The following COL5A3 variants were observed in gnomAD, a reference collection of about 807,000 sequenced individuals.
COL5A3 encodes collagen type V alpha 3 chain.
Under a neutral mutation model 250.0 loss-of-function variants are expected in COL5A3, and 172 were observed. The ratio of observed to expected loss-of-function variants is 0.69; its 90% CI spans 0.61 to 0.78. COL5A3 has a LOEUF of 0.78. Among genes scored for constraint, COL5A3 ranks in the 30% least tolerant of loss-of-function variants. The pLI is 0.00. For synonymous variants in COL5A3, 937 were observed against 900.4 expected, an observed-to-expected ratio of 1.04 and a Z score of -0.73; for missense variants, 2,340 against 2,334.4, an observed-to-expected ratio of 1.00 and a Z score of -0.05.
rs1316034258 is a variant in COL5A3 at position 9,974,418 on chromosome 19, C to A, written c.3343-10G>T. On this transcript the variant is annotated splice_polypyrimidine_tract_variant and intron_variant, in intron 45 of 66. Transcript: ENST00000264828. ...GAGCCCCGTCTGCTCCCTGGAAGAA[C>A]ACAAACAGGGGCACATTTAAGGTCT... The A allele has an allele frequency of 1.3e-6, 2 of 1,567,834 alleles. No homozygotes were observed. Among genetic ancestry groups the A allele is most frequent in the Non-Finnish European group, 1.7e-6 (2 of 1,159,202 alleles).
Position 9,973,634 on chromosome 19 carries a change from C to A in COL5A3, c.3613-11G>T. 6.2e-7 allele frequency: 1 copy of A among 1,612,314 alleles called. No individual in the cohort carries two copies. On this transcript the variant is annotated splice_polypyrimidine_tract_variant and intron_variant, in intron 49 of 66. Coordinates refer to ENST00000264828, the MANE Select transcript of COL5A3 (RefSeq NM_015719.4). Reference sequence around the variant, plus strand: ...GTCCCCTCGCTCACCCTGCAGGAGGCAAAGTGAGAGTGGGGAGAGGTCCCA... The same window carrying A: ...GTCCCCTCGCTCACCCTGCAGGAGGAAAAGTGAGAGTGGGGAGAGGTCCCA...
intron 31 of COL5A3, among the ~76,000 whole-genome samples, chr19:9,984,744 C>T (rs536174361): frequency 3.2e-4 from 48 of 152,106 alleles, no homozygotes; most frequent in African/African-American, 1.1e-3. Flanking sequence ...GATCACATAG[C>T]GGGTAAGAGG....
At chr19:9,975,373 C>T (rs745556091) in intron 45 of COL5A3, among the ~76,000 whole-genome samples, 29 of 152,112 alleles carry the variant, frequency 1.9e-4, no homozygotes, top group Non-Finnish European at 3.8e-4. Context: ...AGCCACCGCA[C>T]CTGGCTGGAG....
Position 10,005,645 on chromosome 19 carries a change from G to GGGCT in COL5A3, c.503_506dup (p.Pro170AlafsTer50), listed in dbSNP as rs765514251. 6.2e-7 allele frequency: 1 copy of GGGCT among 1,614,048 alleles called. No individual in the cohort carries two copies. The highest frequency in any genetic ancestry group is 1.1e-5 in the South Asian group (1 of 91,062). The stretch of plus-strand genomic sequence containing the variant: ...AGCGGGGGCCATGGCCCAAAACAGG[G>GGGCT]GGCTGAGCTTCACAGTCAGCTACCA... On this transcript the variant is annotated frameshift_variant, in exon 4 of 67. Transcript: ENST00000264828. LOFTEE classifies it high-confidence loss of function.
At chr19:10,002,572 C>G (rs111376023) in intron 6 of COL5A3, among the ~76,000 whole-genome samples, 5,145 of 151,990 alleles carry the variant, frequency 0.034, 318 homozygotes, top group African/African-American at 0.12. Context: ...TGGCCTCAAC[C>G]TGTTACTGCT....
intron 4 of COL5A3, among the ~76,000 whole-genome samples, chr19:10,005,338 A>G (rs1448810819): frequency 6.6e-6 from 1 of 151,408 alleles, no homozygotes; most frequent in Non-Finnish European, 1.5e-5. Flanking sequence ...TGACAGAGCA[A>G]GGCTCCATCT....
intron 1 of COL5A3, among the ~76,000 whole-genome samples, chr19:10,008,598 G>A (rs1045037736): frequency 2.0e-5 from 3 of 152,188 alleles, no homozygotes; most frequent in African/African-American, 4.8e-5. Context: ...GGTGTGCGAT[G>A]TGTGTGCAAA....
rs1416643047 is a variant in COL5A3 at position 9,978,626 on chromosome 19, C to T, written c.2966G>A (p.Gly989Glu). Reference sequence around the variant, plus strand: ...CTTATCACCCTTTAAGCCAGTAGGTCCCTGAAGGAGGAGATAATTCACAGT... The same window carrying T: ...CTTATCACCCTTTAAGCCAGTAGGTTCCTGAAGGAGGAGATAATTCACAGT... ...PGPKGGPGDP[G>E]PTGLKGDKGP... The change falls in exon 41 of 67, where the codon GGA becomes GAA. Residue 989 changes from glycine (G) to glutamate (E), a missense_variant and splice_region_variant. Transcript: ENST00000264828. The T allele has an allele frequency of 1.3e-6, 2 of 1,561,056 alleles. No homozygotes were observed. The highest frequency in any genetic ancestry group is 8.7e-7 in the Non-Finnish European group (1 of 1,155,762).
chr19:9,981,052 TC>T (rs1181620980), intron 33 of COL5A3, 35 bp downstream of exon 33: 1 of 1,606,994 alleles, frequency 6.2e-7, no homozygotes, highest in African/African-American at 1.3e-5. Flanking sequence ...TGTCCCCAAG[TC>T]CCAGCAGGGT....
chr19:9,965,239 C>G (rs2086725749), intron 64 of COL5A3, among the ~76,000 whole-genome samples: 1 of 150,062 alleles, frequency 6.7e-6, no homozygotes, highest in Non-Finnish European at 1.5e-5. Flanking sequence ...ACTGCAAGCT[C>G]CGCCTTCTGG....
chr19:9,983,231 G>A (rs1599549401), intron 31 of COL5A3, among the ~76,000 whole-genome samples: 1 of 151,988 alleles, frequency 6.6e-6, no homozygotes, highest in Non-Finnish European at 1.5e-5. Flanking sequence ...GTCAGGTACA[G>A]TGGCTTATGC....
At chr19:9,977,004 T>G (rs1274038948) in intron 44 of COL5A3, among the ~76,000 whole-genome samples, 3 of 152,122 alleles carry the variant, frequency 2.0e-5, no homozygotes, top group African/African-American at 7.2e-5. Flanking sequence ...TTTCCAGTTC[T>G]TTGGGAGCCC....
chr19:9,978,848 C>T, intron 40 of COL5A3, 43 bp downstream of exon 40: 1 of 1,087,164 alleles, frequency 9.2e-7, no homozygotes. Flanking sequence ...CCCATCCTTT[C>T]CTTCTCTAAG....
At chr19:10,004,299 C>T (rs1213167377) in intron 4 of COL5A3, among the ~76,000 whole-genome samples, 154 bp from the exon 5 acceptor site, 2 of 152,112 alleles carry the variant, frequency 1.3e-5, no homozygotes, top group East Asian at 1.9e-4. Flanking sequence ...GAGATGACCC[C>T]ATCACAGCCC....
rs745500970 is a variant in COL5A3 at position 9,986,414 on chromosome 19, G to C, written c.2253C>G (p.Pro751=). Reference sequence around the variant, plus strand: ...CCTCTCCCCGGGGACCTGGAGCTCCGGGTTTCCCCTGGAAGAAAAAGGAGA... The same window carrying C: ...CCTCTCCCCGGGGACCTGGAGCTCCCGGTTTCCCCTGGAAGAAAAAGGAGA... ...DVGLKGDQGK[P]GAPGPRGEDG... is the part of the protein sequence containing the mutation. Residue 751 remains proline, a synonymous_variant, in exon 30 of 67, where the codon CCC becomes CCG. Transcript: ENST00000264828. 9 of 1,612,648 alleles carry C rather than the reference G, an allele frequency of 5.6e-6. No homozygotes were observed. The highest frequency in any genetic ancestry group is 1.3e-5 in the African/African-American group (1 of 74,836).
Position 9,968,501 on chromosome 19 carries a change from C to T in COL5A3, c.4207-9G>A, listed in dbSNP as rs754193993. The T allele has an allele frequency of 1.0e-5, 16 of 1,582,576 alleles. No individual in the cohort carries two copies. The highest frequency in any genetic ancestry group is 4.0e-5 in the Admixed American group (2 of 49,820). The stretch of plus-strand genomic sequence containing the variant: ...ATCAATCCAATGTGGCCCTGAAGGA[C>T]AAAAGAGGCACAGACAGGGGAGGAC... On this transcript the variant is annotated splice_polypyrimidine_tract_variant and intron_variant, in intron 58 of 66. Coordinates refer to ENST00000264828, the MANE Select transcript of COL5A3 (RefSeq NM_015719.4). The surrounding 1 kb of genome is among the most constrained non-coding windows in gnomAD (Gnocchi z 4.1).
At chr19:9,969,249 G>T in intron 57 of COL5A3, 100 bp downstream of exon 57, 1 of 1,019,398 alleles carries the variant, frequency 9.8e-7, no homozygotes, top group Non-Finnish European at 1.5e-6. Context: ...TCAGATGGAT[G>T]GTCAGTGAGG....
chr19:9,975,252 G>A (rs1332297365), intron 45 of COL5A3, among the ~76,000 whole-genome samples: 1 of 151,122 alleles, frequency 6.6e-6, no homozygotes, highest in Non-Finnish European at 1.5e-5. Context: ...TTTTTTTTTT[G>A]TATTTTTAGT....
chr19:9,990,110 G>A (rs906432195), intron 24 of COL5A3, among the ~76,000 whole-genome samples: 10 of 151,704 alleles, frequency 6.6e-5, no homozygotes, highest in Admixed American at 1.3e-4. Context: ...ATAACTAAAA[G>A]AGGCCGGGCG....
Sources: gnomAD v4.1 joint callset for allele counts (sites outside exome capture counted in the v4.1 genomes callset) on GRCh38, gnomAD v4.1.1 for gene constraint, Gnocchi (gnomAD v3.1) non-coding constraint, MANE v1.5 for transcripts, NCBI Gene and HGNC (gene_info 2026-07-23, HGNC 2026-07-21) for gene names.